Variants in RAB22A observed in about 807,000 individuals in gnomAD.
RAB22A encodes the protein ras-related protein Rab-22A.
A neutral mutation model predicts 30.2 loss-of-function variants in RAB22A; 13 were observed. That is an observed-to-expected ratio of 0.43 (90% CI 0.28 to 0.68). The LOEUF (loss-of-function observed/expected upper bound fraction) is 0.68, where lower values mean the gene tolerates loss of function less well. Ranked by LOEUF, RAB22A falls within the 30% of genes least tolerant of loss-of-function variation. The probability of loss-of-function intolerance (pLI) is 0.18; values close to 1 mark genes in which losing one functional copy is unlikely to be tolerated. For missense variants in RAB22A, 177 were observed against 246.8 expected (o/e 0.72, Z 1.89); for synonymous variants, 89 against 87.2 (o/e 1.02, Z -0.11).
At chr20:58,346,222 C>T (rs940517128) in intron 3 of RAB22A, among the ~76,000 whole-genome samples, 2 of 152,242 alleles carry the variant, frequency 1.3e-5, no homozygotes, top group African/African-American at 4.8e-5. Flanking sequence ...CCTGCTTTCC[C>T]TCTGTCCATG....
chr20:58,319,367 A>G (rs965864848), intron 2 of RAB22A, among the ~76,000 whole-genome samples: 2 of 152,194 alleles, frequency 1.3e-5, no homozygotes, highest in Admixed American at 6.5e-5. Context: ...GAGTTTATAT[A>G]TGTGTATGGG....
rs1986800294 is a variant in RAB22A, at chr20:58,338,577, A to G, written c.117-5141A>G. 3.9e-5 allele frequency among the ~76,000 whole-genome samples: 6 copies of G among 152,294 alleles called. No individual in the cohort carries two copies. In the South Asian group the frequency reaches 1.0e-3, roughly 26 times the overall value. ...GAAAAGGTTAAAGGTGTGTGTGACT[A>G]TGGAATGCACACAATACTTCACTGA... is the stretch of plus-strand genomic sequence containing the variant. On this transcript the variant is annotated intron_variant, in intron 2 of 6. Coordinates refer to ENST00000244040, the MANE Select transcript of RAB22A (RefSeq NM_020673.3).
At chr20:58,358,004 G>A (rs1226894871) in intron 6 of RAB22A, among the ~76,000 whole-genome samples, 2 of 152,226 alleles carry the variant, frequency 1.3e-5, no homozygotes, top group African/African-American at 4.8e-5. Context: ...CTCTTCCCTA[G>A]AAGAGCTTAG....
At chr20:58,332,051 G>A (rs990139715) in intron 2 of RAB22A, among the ~76,000 whole-genome samples, 4 of 152,084 alleles carry the variant, frequency 2.6e-5, no homozygotes, top group Admixed American at 1.3e-4. Flanking sequence ...TGATAACGAT[G>A]GGCATATTAT....
chr20:58,313,175 C>T (rs143328253), intron 2 of RAB22A, among the ~76,000 whole-genome samples: 1 of 152,266 alleles, frequency 6.6e-6, no homozygotes, highest in Non-Finnish European at 1.5e-5. Context: ...CCTGAGTGTC[C>T]ACTGTTCCCT....
intron 2 of RAB22A, among the ~76,000 whole-genome samples, chr20:58,317,064 A>G (rs962651904): frequency 6.6e-6 from 1 of 152,140 alleles, no homozygotes; most frequent in African/African-American, 2.4e-5. Flanking sequence ...CAGCTCTGCC[A>G]CTTGCTAGCT....
chr20:58,321,066 T>A lies in RAB22A; in HGVS notation c.116+9944T>A, dbSNP rs140698847. Among the ~76,000 whole-genome samples, 343 of 152,194 alleles carry A rather than the reference T, an allele frequency of 2.3e-3. 2 individuals carry two copies. The highest frequency in any genetic ancestry group is 7.8e-3 in the African/African-American group (322 of 41,522). Reference sequence around the variant, plus strand: ...TTAGCTGGGCGTGGTGGCACACGCCTGTAATCCCAGCTATTCAGGAGGCCG... The same window carrying A: ...TTAGCTGGGCGTGGTGGCACACGCCAGTAATCCCAGCTATTCAGGAGGCCG... On this transcript the variant is annotated intron_variant, in intron 2 of 6. Coordinates refer to ENST00000244040, the MANE Select transcript of RAB22A (RefSeq NM_020673.3).
chr20:58,317,550 A>G (rs1394869563), intron 2 of RAB22A, among the ~76,000 whole-genome samples: 1 of 146,266 alleles, frequency 6.8e-6, no homozygotes, highest in Admixed American at 6.8e-5. Flanking sequence ...AATGGTAGTT[A>G]TTATTCTTTT....
intron 2 of RAB22A, among the ~76,000 whole-genome samples, chr20:58,342,386 A>G (rs1986870215): frequency 1.3e-5 from 2 of 152,346 alleles, no homozygotes; most frequent in East Asian, 3.9e-4. Context: ...GCCATGGCAT[A>G]AATTTATATA....
chr20:58,334,158 G>C (rs6070427), intron 2 of RAB22A, among the ~76,000 whole-genome samples: 19 of 151,786 alleles, frequency 1.3e-4, no homozygotes, highest in Non-Finnish European at 2.2e-4. Flanking sequence ...TGGTGAAACC[G>C]CGTCTCTACT....
chr20:58,323,244 G>A (rs1018955583), intron 2 of RAB22A, among the ~76,000 whole-genome samples: 6 of 151,784 alleles, frequency 4.0e-5, no homozygotes, highest in African/African-American at 1.2e-4. Flanking sequence ...ATGGTAAATG[G>A]CATTGTTTTG....
At chr20:58,318,344 T>C (rs1986384635) in intron 2 of RAB22A, among the ~76,000 whole-genome samples, 1 of 152,230 alleles carries the variant, frequency 6.6e-6, no homozygotes, top group Admixed American at 6.5e-5. Flanking sequence ...CTATTCTTTC[T>C]AATTTTTTCT....
At chr20:58,324,696 G>A (rs373250095) in intron 2 of RAB22A, among the ~76,000 whole-genome samples, 10 of 150,876 alleles carry the variant, frequency 6.6e-5, no homozygotes, top group Non-Finnish European at 1.2e-4. Flanking sequence ...GTGAAACCCC[G>A]TGTCTACTAA....
intron 1 of RAB22A, 73 bp from the exon 2 acceptor site, chr20:58,310,970 A>G: frequency 8.1e-7 from 1 of 1,231,202 alleles, no homozygotes; most frequent in Non-Finnish European, 1.2e-6. Flanking sequence ...TCCTGAACTT[A>G]TGCCACAAAG....
chr20:58,340,382 C>T (rs1373171713), intron 2 of RAB22A, among the ~76,000 whole-genome samples: 1 of 152,196 alleles, frequency 6.6e-6, no homozygotes, highest in African/African-American at 2.4e-5. Flanking sequence ...CCACTTCCCA[C>T]ATACCCTAAA....
At position 58,363,639 on chromosome 20, in the gene RAB22A, G is replaced by C. The variant is rs567262378; in HGVS notation, c.*3936G>C. The stretch of plus-strand genomic sequence containing the variant: ...TATTTACATTTGCTTTAAAGGGACA[G>C]TTTTACCGTTCAACTTCAAGAGTTT... On this transcript the variant is annotated 3_prime_UTR_variant, in exon 7 of 7. Transcript: ENST00000244040. 1 of 152,228 alleles carries C rather than the reference G, an allele frequency of 6.6e-6. No individual in the cohort carries two copies. Among genetic ancestry groups the C allele is most frequent in the East Asian group, 1.9e-4 (1 of 5,180 alleles). The allele number at this position is 152,228 out of a possible 1,614,324, so 9.4% of individuals were successfully genotyped here.
At position 58,363,847 on chromosome 20, in the gene RAB22A, T is replaced by A. The variant is rs1028898458; in HGVS notation, c.*4144T>A. On this transcript the variant is annotated 3_prime_UTR_variant, in exon 7 of 7. Coordinates refer to ENST00000244040, the MANE Select transcript of RAB22A (RefSeq NM_020673.3). ...TGCTGTGCTGTGATTTAAAAAAAAA[T>A]AGTCTAAGAAACAAATTTATCCATG... The A allele has an allele frequency of 6.6e-6, 1 of 152,258 alleles. No homozygotes were observed. Among genetic ancestry groups the A allele is most frequent in the Non-Finnish European group, 1.5e-5 (1 of 68,038 alleles). 9.4% of individuals were successfully genotyped at this position (152,258 alleles called of 1,614,324 possible).
At chr20:58,322,738 C>T (rs895472600) in intron 2 of RAB22A, among the ~76,000 whole-genome samples, 3 of 152,202 alleles carry the variant, frequency 2.0e-5, no homozygotes, top group African/African-American at 7.2e-5. Context: ...AGGCTTTGTG[C>T]TGCTGTGGTC....
intron 6 of RAB22A, among the ~76,000 whole-genome samples, chr20:58,356,364 T>C (rs955004795): frequency 6.6e-6 from 1 of 151,442 alleles, no homozygotes; most frequent in African/African-American, 2.4e-5. Context: ...AAAAGTCTTA[T>C]ATAAAAACTA....
Sources: allele counts gnomAD v4.1 joint callset (sites outside exome capture counted in the v4.1 genomes callset), GRCh38; gene constraint gnomAD v4.1.1; transcripts MANE v1.5; gene names NCBI Gene and HGNC (gene_info 2026-07-23, HGNC 2026-07-21).